Variants in GALNTL6 observed in about 807,000 individuals in gnomAD.
The protein encoded by GALNTL6 is polypeptide N-acetylgalactosaminyltransferase like 6.
Under a neutral mutation model 73.7 loss-of-function variants are expected in GALNTL6, and 46 were observed. The ratio of observed to expected loss-of-function variants is 0.62; its 90% CI spans 0.49 to 0.80. The LOEUF is 0.80. Among genes scored for constraint, GALNTL6 ranks in the 30% least tolerant of loss-of-function variants. The pLI, the probability that GALNTL6 is intolerant of heterozygous loss-of-function variation, is 0.00. For synonymous variants in GALNTL6, 259 were observed against 263.7 expected (o/e 0.98, Z 0.17); for missense variants, 604 against 755.0 (o/e 0.80, Z 2.34).
intron 2 of GALNTL6, among the ~76,000 whole-genome samples, chr4:172,066,063 T>C (rs1057438962): frequency 1.3e-5 from 2 of 152,186 alleles, no homozygotes; most frequent in African/African-American, 4.8e-5. Context: ...CAAGATACAT[T>C]TGTTACAGTT....
At chr4:172,857,646 A>G (rs933817413) in intron 7 of GALNTL6, among the ~76,000 whole-genome samples, 2 of 152,204 alleles carry the variant, frequency 1.3e-5, no homozygotes, top group Admixed American at 1.3e-4. Context: ...TATCTCACTA[A>G]GAATGACCTG....
chr4:172,843,919 C>T (rs759855103), intron 7 of GALNTL6, among the ~76,000 whole-genome samples: 31 of 152,030 alleles, frequency 2.0e-4, no homozygotes, highest in Non-Finnish European at 4.3e-4. Flanking sequence ...ATTAGCCAGG[C>T]GTGGTGGTGC....
At chr4:172,544,317 A>G (rs1735676018) in intron 5 of GALNTL6, among the ~76,000 whole-genome samples, 1 of 152,128 alleles carries the variant, frequency 6.6e-6, no homozygotes, top group African/African-American at 2.4e-5. Flanking sequence ...TTTTACTTAC[A>G]CAAGATTGGC....
chr4:172,744,285 TGACTG>T (rs1174407394), intron 5 of GALNTL6, among the ~76,000 whole-genome samples: 1 of 152,142 alleles, frequency 6.6e-6, no homozygotes, highest in Non-Finnish European at 1.5e-5. Context: ...TTAGAGCCAG[TGACTG>T]GATATCAGTA....
chr4:172,479,723 T>C (rs1479946420), intron 5 of GALNTL6, among the ~76,000 whole-genome samples: 1 of 152,158 alleles, frequency 6.6e-6, no homozygotes, highest in Non-Finnish European at 1.5e-5. Flanking sequence ...GGAAAAAGAA[T>C]CAGCTTTTCT....
rs1302824899 is a variant in GALNTL6, at chr4:172,716,299, T to C, written c.554-93062T>C. The stretch of plus-strand genomic sequence containing the variant: ...TGCTGTAAGCCAATGCTTCTCAAAC[T>C]GTAGCTCATGGAGCAGCAGCCGGAT... On this transcript the variant is annotated intron_variant, in intron 5 of 12. Transcript: ENST00000506823. Among the ~76,000 whole-genome samples the C allele has an allele frequency of 3.3e-5, 5 of 152,122 alleles. No individual in the cohort carries two copies. The South Asian group carries it at 6.2e-4, about 19-fold the overall frequency.
At chr4:172,955,858 A>G (rs1579704474) in intron 10 of GALNTL6, among the ~76,000 whole-genome samples, 1 of 151,974 alleles carries the variant, frequency 6.6e-6, no homozygotes, top group African/African-American at 2.4e-5. Flanking sequence ...GGGGGTCACA[A>G]GGTGCTCAGT....
chr4:172,806,673 T>C (rs914522907), intron 5 of GALNTL6, among the ~76,000 whole-genome samples: 2 of 152,178 alleles, frequency 1.3e-5, no homozygotes, highest in Admixed American at 1.3e-4. Context: ...CATCTTGAAA[T>C]GCTGAGGTGA....
At chr4:171,876,201 CAT>C (rs34402507) in intron 2 of GALNTL6, among the ~76,000 whole-genome samples, 36,012 of 151,828 alleles carry the variant, frequency 0.24, 4,392 homozygotes, top group Middle Eastern at 0.31. Flanking sequence ...ACTGATGAAT[CAT>C]GTGCTATGGA....
intron 2 of GALNTL6, among the ~76,000 whole-genome samples, chr4:172,169,357 T>G (rs1010678185): frequency 1.3e-5 from 2 of 152,228 alleles, no homozygotes; most frequent in East Asian, 1.9e-4. Context: ...TTTAGACAAC[T>G]TCTAAGGTCT....
At chr4:172,127,753 T>A (rs1358123898) in intron 2 of GALNTL6, among the ~76,000 whole-genome samples, 2 of 152,156 alleles carry the variant, frequency 1.3e-5, no homozygotes, top group Non-Finnish European at 2.9e-5. Context: ...ATCATCCTGT[T>A]TTTAGGCTTG....
intron 4 of GALNTL6, among the ~76,000 whole-genome samples, chr4:172,328,006 T>G (rs1021095746): frequency 2.0e-5 from 3 of 152,190 alleles, no homozygotes; most frequent in African/African-American, 7.2e-5. Flanking sequence ...TGTGTGTGTT[T>G]TTTTATTGGC....
intron 9 of GALNTL6, among the ~76,000 whole-genome samples, chr4:172,940,201 T>G (rs1748845283): frequency 6.6e-6 from 1 of 151,520 alleles, no homozygotes; most frequent in Non-Finnish European, 1.5e-5. Context: ...TTTTTTTTTT[T>G]TTTTGAGATG....
At chr4:172,917,012 A>G (rs1747557179) in intron 8 of GALNTL6, among the ~76,000 whole-genome samples, 1 of 152,226 alleles carries the variant, frequency 6.6e-6, no homozygotes, top group African/African-American at 2.4e-5. Context: ...ACAAGGCTAC[A>G]GTAACCAAAA....
intron 11 of GALNTL6, among the ~76,000 whole-genome samples, chr4:173,016,618 A>C (rs911816281): frequency 6.6e-6 from 1 of 152,318 alleles, no homozygotes; most frequent in South Asian, 2.1e-4. Flanking sequence ...TGTTTACCCA[A>C]TGCCTGTACC....
At chr4:172,389,573 C>G (rs1743588944) in intron 5 of GALNTL6, among the ~76,000 whole-genome samples, 1 of 151,822 alleles carries the variant, frequency 6.6e-6, no homozygotes, top group Non-Finnish European at 1.5e-5. Context: ...ATGTATATAA[C>G]ACATAAGTTA....
At chr4:172,762,086 T>A (rs1738142495) in intron 5 of GALNTL6, among the ~76,000 whole-genome samples, 1 of 152,230 alleles carries the variant, frequency 6.6e-6, no homozygotes, top group Non-Finnish European at 1.5e-5. Context: ...TAAAAAAAAT[T>A]CTTCTGTGCT....
chr4:171,908,500 G>T (rs531911526), intron 2 of GALNTL6, among the ~76,000 whole-genome samples: 342 of 152,218 alleles, frequency 2.2e-3, no homozygotes, highest in Non-Finnish European at 3.9e-3. Context: ...GGAAACAAGT[G>T]CTGGAGAGGA....
chr4:172,938,232 T>G (rs1748727589), intron 9 of GALNTL6, among the ~76,000 whole-genome samples: 4 of 152,300 alleles, frequency 2.6e-5, no homozygotes, highest in Admixed American at 1.3e-4. Flanking sequence ...GCTCTGCTGA[T>G]TCCATAGATC....
Sources: allele counts gnomAD v4.1 joint callset (sites outside exome capture counted in the v4.1 genomes callset), GRCh38; gene constraint gnomAD v4.1.1; transcripts MANE v1.5; gene names NCBI Gene and HGNC (gene_info 2026-07-23, HGNC 2026-07-21).